The following PLCB4 variants were observed in gnomAD, a reference collection of about 807,000 sequenced individuals.
The protein encoded by PLCB4 is phospholipase C beta 4, also known as 1-phosphatidylinositol 4,5-bisphosphate phosphodiesterase beta-4.
A neutral mutation model predicts 178.8 loss-of-function variants in PLCB4; 77 were observed. That is an observed-to-expected ratio of 0.43 (90% CI 0.36 to 0.52). The LOEUF is 0.52. Among genes scored for constraint, PLCB4 ranks in the 20% least tolerant of loss-of-function variants. The pLI, the probability that PLCB4 is intolerant of heterozygous loss-of-function variation, is 0.00. For missense variants in PLCB4, 1,024 were observed against 1,453.4 expected (o/e 0.70, Z 4.80); for synonymous variants, 496 against 490.8 (o/e 1.01, Z -0.14).
intron 4 of PLCB4, among the ~76,000 whole-genome samples, 183 bp downstream of exon 4, chr20:9,308,081 G>T (rs2094791497): frequency 6.6e-6 from 1 of 151,990 alleles, no homozygotes; most frequent in Non-Finnish European, 1.5e-5. Context: ...ATAAATTTTT[G>T]AGCGCTCACT....
At chr20:9,476,806 C>T (rs955565930) in intron 39 of PLCB4, 53 bp downstream of exon 39, 15 of 1,236,460 alleles carry the variant, frequency 1.2e-5, no homozygotes, top group Non-Finnish European at 1.8e-5. Flanking sequence ...CGACTACGTC[C>T]GTATTCTCTG....
chr20:9,090,259 CA>C, intron 1 of PLCB4, among the ~76,000 whole-genome samples: 2 of 97,616 alleles, frequency 2.0e-5, no homozygotes, highest in Non-Finnish European at 4.9e-5. Flanking sequence ...CTGTGTCTGT[CA>C]TGGGAAAGTA....
At chr20:9,211,253 G>C (rs1316609036) in intron 2 of PLCB4, among the ~76,000 whole-genome samples, 1 of 152,156 alleles carries the variant, frequency 6.6e-6, no homozygotes, top group Non-Finnish European at 1.5e-5. Context: ...GCATTTTACA[G>C]ATAGGAGCTG....
chr20:9,346,694 C>T (rs960580231), intron 7 of PLCB4, among the ~76,000 whole-genome samples: 4 of 152,152 alleles, frequency 2.6e-5, no homozygotes, highest in Non-Finnish European at 5.9e-5. Flanking sequence ...ATTAAGCTGT[C>T]CGGAGTGCAG....
At chr20:9,398,350 A>G (rs757962864) in intron 19 of PLCB4, among the ~76,000 whole-genome samples, 2 of 152,196 alleles carry the variant, frequency 1.3e-5, no homozygotes, top group Non-Finnish European at 2.9e-5. Context: ...GATGCCTACT[A>G]TATTTTTTCA....
At chr20:9,299,607 C>G (rs1311830732) in intron 3 of PLCB4, among the ~76,000 whole-genome samples, 2 of 151,786 alleles carry the variant, frequency 1.3e-5, no homozygotes, top group Admixed American at 1.3e-4. Context: ...TTTAGAAACT[C>G]TTCTAAATTT....
intron 3 of PLCB4, among the ~76,000 whole-genome samples, chr20:9,270,577 C>T (rs990501573): frequency 1.3e-5 from 2 of 152,080 alleles, no homozygotes; most frequent in African/African-American, 2.4e-5. Flanking sequence ...GAAAGAATCA[C>T]ATATTTCCTT....
At chr20:9,307,519 A>C (rs2094784397) in intron 3 of PLCB4, among the ~76,000 whole-genome samples, 1 of 150,556 alleles carries the variant, frequency 6.6e-6, no homozygotes. Context: ...ACACACACAC[A>C]CACACACACA....
chr20:9,212,225 G>A (rs897669026), intron 2 of PLCB4, among the ~76,000 whole-genome samples: 1 of 152,204 alleles, frequency 6.6e-6, no homozygotes, highest in African/African-American at 2.4e-5. Context: ...ACAAAAGTTT[G>A]AAGTCTTTGT....
At chr20:9,121,708 T>G (rs990512685) in intron 2 of PLCB4, among the ~76,000 whole-genome samples, 3 of 152,204 alleles carry the variant, frequency 2.0e-5, no homozygotes, top group Non-Finnish European at 4.4e-5. Flanking sequence ...ATGAACTGTA[T>G]TCATTTCATT....
intron 2 of PLCB4, among the ~76,000 whole-genome samples, chr20:9,185,827 C>T (rs2093321543): frequency 1.3e-5 from 2 of 152,168 alleles, no homozygotes; most frequent in Non-Finnish European, 1.5e-5. Context: ...TAATGCTCTG[C>T]CTTCCCCCAC....
chr20:9,241,966 A>G (rs985782953), intron 3 of PLCB4, among the ~76,000 whole-genome samples: 1 of 152,156 alleles, frequency 6.6e-6, no homozygotes, highest in African/African-American at 2.4e-5. Context: ...GCTCTGTTCC[A>G]TGTGGCCTCT....
chr20:9,130,223 A>ATT (rs1568805566), intron 2 of PLCB4, among the ~76,000 whole-genome samples: 1 of 152,154 alleles, frequency 6.6e-6, no homozygotes, highest in African/African-American at 2.4e-5. Flanking sequence ...AATGTAGGAG[A>ATT]TTAGTTTAAG....
chr20:9,165,063 T>G (rs1019424637), intron 2 of PLCB4, among the ~76,000 whole-genome samples: 31 of 152,296 alleles, frequency 2.0e-4, no homozygotes, highest in Middle Eastern at 3.4e-3. Context: ...CCACTCTGTA[T>G]GATATATTGG....
chr20:9,396,205 T>C (rs935378974), intron 19 of PLCB4, among the ~76,000 whole-genome samples: 4 of 152,156 alleles, frequency 2.6e-5, no homozygotes, highest in Admixed American at 2.6e-4. Flanking sequence ...CTTGCTGTAG[T>C]AGGCAGAGGA....
chr20:9,410,642 CT>C (rs2039791204), intron 24 of PLCB4, among the ~76,000 whole-genome samples: 1 of 152,156 alleles, frequency 6.6e-6, no homozygotes, highest in Admixed American at 6.5e-5. Context: ...ATTTTCCAGT[CT>C]TTTAAATCAA....
rs150127318 is a variant in PLCB4 at position 9,093,714 on chromosome 20, A to G, written c.-134-2573A>G. Among the ~76,000 whole-genome samples the G allele has an allele frequency of 4.3e-4, 65 of 151,776 alleles. No homozygotes were observed. In the East Asian group the frequency reaches 9.9e-3, roughly 23 times the overall value. On this transcript the variant is annotated intron_variant, in intron 1 of 39. Transcript: ENST00000378473. Reference sequence around the variant, plus strand: ...ACAGCTTTACACATGGTCTTTCCCCAAACCATGACATAAATCCTGCTTTTT... The same window carrying G: ...ACAGCTTTACACATGGTCTTTCCCCGAACCATGACATAAATCCTGCTTTTT...
chr20:9,300,681 T>A (rs1044775927), intron 3 of PLCB4, among the ~76,000 whole-genome samples: 3 of 152,090 alleles, frequency 2.0e-5, no homozygotes, highest in African/African-American at 4.8e-5. Context: ...TAGGTGAAGT[T>A]TATTCTGTAC....
At chr20:9,385,604 C>T (rs1269823426) in intron 14 of PLCB4, among the ~76,000 whole-genome samples, 2 of 149,926 alleles carry the variant, frequency 1.3e-5, no homozygotes, top group South Asian at 4.3e-4. Flanking sequence ...AGAGGCGCTC[C>T]TCACATCCCA....
Sources: allele counts gnomAD v4.1 joint callset (sites outside exome capture counted in the v4.1 genomes callset), GRCh38; gene constraint gnomAD v4.1.1; transcripts MANE v1.5; gene names NCBI Gene and HGNC (gene_info 2026-07-23, HGNC 2026-07-21).